Variants in CDKAL1 observed in about 807,000 individuals in gnomAD.
CDKAL1 encodes threonylcarbamoyladenosine tRNA methylthiotransferase.
CDKAL1 carries 32 observed loss-of-function variants against 68.2 expected under a neutral mutation model. The ratio of observed to expected loss-of-function variants is 0.47; its 90% CI spans 0.35 to 0.63. The LOEUF is 0.63. Ranked by LOEUF, CDKAL1 falls within the 30% of genes least tolerant of loss-of-function variation. The pLI, the probability that CDKAL1 is intolerant of heterozygous loss-of-function variation, is 0.00. For synonymous variants in CDKAL1, 234 were observed against 244.3 expected (o/e 0.96, Z 0.39); for missense variants, 606 against 696.7 (o/e 0.87, Z 1.47).
intron 15 of CDKAL1, among the ~76,000 whole-genome samples, chr6:21,203,344 C>T (rs902571037): frequency 2.8e-5 from 4 of 143,722 alleles, no homozygotes; most frequent in African/African-American, 1.0e-4. Context: ...TCAAGCAATT[C>T]TCATGCCTCA....
At chr6:21,050,618 A>C (rs1276022990) in intron 11 of CDKAL1, among the ~76,000 whole-genome samples, 1 of 152,184 alleles carries the variant, frequency 6.6e-6, no homozygotes, top group Non-Finnish European at 1.5e-5. Flanking sequence ...TGACTATGCA[A>C]AAAAGGTTAA....
At chr6:20,540,352 C>T (rs1239748874) in intron 2 of CDKAL1, among the ~76,000 whole-genome samples, 2 of 151,908 alleles carry the variant, frequency 1.3e-5, no homozygotes, top group Admixed American at 6.6e-5. Flanking sequence ...GGATTACAAA[C>T]ATGAGCCACT....
At chr6:20,592,786 T>C (rs1361330294) in intron 4 of CDKAL1, among the ~76,000 whole-genome samples, 1 of 152,190 alleles carries the variant, frequency 6.6e-6, no homozygotes, top group Non-Finnish European at 1.5e-5. Context: ...GCCCATTCAG[T>C]TTGGTATTGG....
At chr6:20,968,264 T>C (rs1281514663) in intron 10 of CDKAL1, among the ~76,000 whole-genome samples, 4 of 151,524 alleles carry the variant, frequency 2.6e-5, no homozygotes, top group African/African-American at 9.7e-5. Context: ...GCTCAAGCAC[T>C]TCTCTCATGT....
chr6:21,136,714 G>T (rs1775620025), intron 13 of CDKAL1, among the ~76,000 whole-genome samples: 1 of 151,866 alleles, frequency 6.6e-6, no homozygotes, highest in South Asian at 2.1e-4. Flanking sequence ...AACTGTTGTG[G>T]TTCTTGTGTC....
chr6:20,563,243 T>G (rs1046792335), intron 4 of CDKAL1, among the ~76,000 whole-genome samples: 1 of 152,154 alleles, frequency 6.6e-6, no homozygotes, highest in Non-Finnish European at 1.5e-5. Flanking sequence ...GGAAGTTCAT[T>G]ATTAGCTAGC....
At chr6:21,001,764 T>C (rs1767438416) in intron 11 of CDKAL1, among the ~76,000 whole-genome samples, 1 of 152,238 alleles carries the variant, frequency 6.6e-6, no homozygotes, top group Non-Finnish European at 1.5e-5. Context: ...AAAAGAGTTC[T>C]TTTGGGCACT....
intron 5 of CDKAL1, among the ~76,000 whole-genome samples, chr6:20,672,293 TCTCTCCCTCTCC>T (rs61462265): frequency 5.4e-5 from 8 of 147,164 alleles, no homozygotes; most frequent in African/African-American, 2.1e-4. Flanking sequence ...TCTCTCTCTC[TCTCTCCCTCTCC>T]CTCTCCCTCT....
At chr6:21,001,676 AT>A (rs1356143000) in intron 11 of CDKAL1, among the ~76,000 whole-genome samples, 1 of 152,150 alleles carries the variant, frequency 6.6e-6, no homozygotes, top group Non-Finnish European at 1.5e-5. Context: ...ATAGATTTTT[AT>A]TTGTTTAAGT....
intron 13 of CDKAL1, among the ~76,000 whole-genome samples, chr6:21,184,153 TA>T (rs1777909847): frequency 6.7e-6 from 1 of 150,096 alleles, no homozygotes; most frequent in Non-Finnish European, 1.5e-5. Context: ...TAACAGGCCC[TA>T]AAAAAATGAA....
chr6:20,842,620 C>G (rs2150487663), intron 8 of CDKAL1, among the ~76,000 whole-genome samples: 1 of 152,222 alleles, frequency 6.6e-6, no homozygotes, highest in African/African-American at 2.4e-5. Context: ...TCACCTGAGG[C>G]TGGGAGTTCG....
chr6:20,570,526 G>A lies in CDKAL1; in HGVS notation c.286+21821G>A, dbSNP rs553210295. Among the ~76,000 whole-genome samples the A allele has an allele frequency of 2.2e-4, 34 of 152,230 alleles. No homozygotes were observed. In the South Asian group the frequency reaches 6.6e-3, roughly 30 times the overall value. On this transcript the variant is annotated intron_variant, in intron 4 of 15. Coordinates refer to ENST00000274695, the MANE Select transcript of CDKAL1 (RefSeq NM_017774.3). ...AGCGATTCTCTTGCCTTGGCCTCCC[G>A]AGTAGCTAGGACTACAGGCATCTGC...
intron 7 of CDKAL1, among the ~76,000 whole-genome samples, chr6:20,762,757 C>G (rs973194462): frequency 6.6e-6 from 1 of 152,170 alleles, no homozygotes; most frequent in African/African-American, 2.4e-5. Context: ...AATATAAGAA[C>G]TGCTGGAATA....
intron 13 of CDKAL1, among the ~76,000 whole-genome samples, chr6:21,157,748 C>G (rs1257454470): frequency 6.6e-6 from 1 of 152,196 alleles, no homozygotes; most frequent in Non-Finnish European, 1.5e-5. Flanking sequence ...GAAATGTAAG[C>G]ACATCACTCA....
chr6:21,132,117 G>A (rs929494807), intron 13 of CDKAL1, among the ~76,000 whole-genome samples: 14 of 152,156 alleles, frequency 9.2e-5, no homozygotes, highest in African/African-American at 3.1e-4. Context: ...AGTTCATATC[G>A]TTTAGCTCAG....
intron 5 of CDKAL1, among the ~76,000 whole-genome samples, chr6:20,705,676 AG>A (rs1447481169): frequency 1.3e-5 from 2 of 152,180 alleles, no homozygotes; most frequent in East Asian, 3.8e-4. Flanking sequence ...AACCATATAT[AG>A]GGTATTCACT....
chr6:20,839,722 G>C (rs1356347654), intron 8 of CDKAL1, among the ~76,000 whole-genome samples: 1 of 152,090 alleles, frequency 6.6e-6, no homozygotes, highest in African/African-American at 2.4e-5. Context: ...TGTCTGGCAA[G>C]ATCTGCATTA....
chr6:20,946,548 T>A (rs954955310), intron 9 of CDKAL1, among the ~76,000 whole-genome samples: 3 of 151,840 alleles, frequency 2.0e-5, no homozygotes, highest in African/African-American at 7.3e-5. Flanking sequence ...CATTTTCAAC[T>A]TACAATGGAT....
In CDKAL1 at chr6:20,795,209, G is replaced by A. The variant is rs115671175; in HGVS notation, c.638+13944G>A. ...TATTTCTAGTACCTAATAGTTACTA[G>A]CTCATAGAAGCTCTCAATAAAAATG... is the stretch of plus-strand genomic sequence containing the variant. On this transcript the variant is annotated intron_variant, in intron 8 of 15. Transcript: ENST00000274695. Among the ~76,000 whole-genome samples, 1,152 of 152,102 alleles carry A rather than the reference G, an allele frequency of 7.6e-3. 22 individuals are homozygous for A. Among genetic ancestry groups the A allele is most frequent in the African/African-American group, 0.026 (1,079 of 41,494 alleles).
Sources: gnomAD v4.1 joint callset for allele counts (sites outside exome capture counted in the v4.1 genomes callset) on GRCh38, gnomAD v4.1.1 for gene constraint, MANE v1.5 for transcripts, NCBI Gene and HGNC (gene_info 2026-07-23, HGNC 2026-07-21) for gene names.